ADARB2: variants seen among roughly 807,000 people sequenced by gnomAD.
The protein encoded by ADARB2 is inactive double-stranded RNA-specific editase B2.
In ADARB2, 25 loss-of-function variants were observed where a neutral mutation model predicts 62.2. That is an observed-to-expected ratio of 0.40 (90% CI 0.29 to 0.56). The LOEUF (loss-of-function observed/expected upper bound fraction) is 0.56. Ranked by LOEUF, ADARB2 falls within the 20% of genes least tolerant of loss-of-function variation. The pLI, the probability that ADARB2 is intolerant of heterozygous loss-of-function variation, is 0.43. For synonymous variants in ADARB2, 572 were observed against 500.8 expected, an observed-to-expected ratio of 1.14 and a Z score of -1.90; for missense variants, 1,071 against 1,077.4, an observed-to-expected ratio of 0.99 and a Z score of 0.08.
At chr10:1,375,203 G>A (rs577888349) in intron 2 of ADARB2, among the ~76,000 whole-genome samples, 2 of 152,206 alleles carry the variant, frequency 1.3e-5, no homozygotes, top group Non-Finnish European at 2.9e-5. Context: ...GCTGGTCCTC[G>A]CAGAACTGGG....
Position 1,398,614 on chromosome 10 carries a change from C to T in ADARB2, c.101-19454G>A, listed in dbSNP as rs1349421991. On this transcript the variant is annotated intron_variant, in intron 1 of 9. Transcript: ENST00000381312. This position sits in a 1 kb window ranked among gnomAD's most constrained non-coding sequence, Gnocchi z 4.1. ...AGACAACTCAAAAACGTGTATTTGC[C>T]GTTTCTTTCTTTGAGAAATCTGTAA... Among the ~76,000 whole-genome samples the T allele has an allele frequency of 1.3e-5, 2 of 152,142 alleles. No homozygotes were observed. Among genetic ancestry groups the T allele is most frequent in the African/African-American group, 2.4e-5 (1 of 41,418 alleles).
intron 8 of ADARB2, chr10:1,199,373 C>G (rs566576198): frequency 2.0e-5 from 3 of 152,498 alleles, no homozygotes; most frequent in East Asian, 3.9e-4. Context: ...GCCAGGCAGC[C>G]CGGGCAGGCC....
At chr10:1,660,218 A>G (rs1461254974) in intron 1 of ADARB2, among the ~76,000 whole-genome samples, 1 of 152,256 alleles carries the variant, frequency 6.6e-6, no homozygotes, top group East Asian at 1.9e-4. Context: ...GCCTGTGCTC[A>G]CAAAGCACTG....
intron 6 of ADARB2, among the ~76,000 whole-genome samples, chr10:1,217,876 G>A (rs1390980883): frequency 6.6e-6 from 1 of 152,086 alleles, no homozygotes; most frequent in Admixed American, 6.5e-5. Flanking sequence ...CAGAAGTGAC[G>A]GAGCGTCTGG....
At chr10:1,581,433 G>T (rs1308746065) in intron 1 of ADARB2, among the ~76,000 whole-genome samples, 1 of 152,220 alleles carries the variant, frequency 6.6e-6, no homozygotes, top group Non-Finnish European at 1.5e-5. Flanking sequence ...CACTCCCAGA[G>T]CAGGAGGCGC....
At chr10:1,346,484 T>G (rs1832082244) in intron 3 of ADARB2, among the ~76,000 whole-genome samples, 1 of 152,234 alleles carries the variant, frequency 6.6e-6, no homozygotes, top group African/African-American at 2.4e-5. Flanking sequence ...GACAGGGGCA[T>G]GAACTGGCTT....
At chr10:1,550,880 G>C (rs1483952938) in intron 1 of ADARB2, among the ~76,000 whole-genome samples, 1 of 151,990 alleles carries the variant, frequency 6.6e-6, no homozygotes, top group African/African-American at 2.4e-5. Flanking sequence ...CCCTGTTTGT[G>C]CCGCAACAGG....
chr10:1,373,197 AAC>A (rs1268827071), intron 2 of ADARB2, among the ~76,000 whole-genome samples: 1 of 152,126 alleles, frequency 6.6e-6, no homozygotes, highest in Non-Finnish European at 1.5e-5. Context: ...TGAGAAAAAG[AAC>A]AGAGGAGGAG....
At chr10:1,292,332 A>T (rs894434431) in intron 3 of ADARB2, 1 of 152,324 alleles carries the variant, frequency 6.6e-6, no homozygotes, top group East Asian at 1.9e-4. Flanking sequence ...TTTAGAAAAA[A>T]ATTTAAAAGT....
At chr10:1,382,187 A>G (rs1832489511) in intron 1 of ADARB2, among the ~76,000 whole-genome samples, 1 of 152,240 alleles carries the variant, frequency 6.6e-6, no homozygotes, top group Non-Finnish European at 1.5e-5. Flanking sequence ...AATCAAATGT[A>G]ACTGGGCATC....
intron 3 of ADARB2, among the ~76,000 whole-genome samples, chr10:1,312,237 G>T (rs1335596341): frequency 1.3e-5 from 2 of 152,198 alleles, no homozygotes; most frequent in Non-Finnish European, 2.9e-5. Flanking sequence ...CTGCACCAGA[G>T]ATGCAGTGGG....
intron 6 of ADARB2, among the ~76,000 whole-genome samples, chr10:1,225,672 G>A (rs918266517): frequency 5.4e-5 from 8 of 148,290 alleles, no homozygotes; most frequent in African/African-American, 1.9e-4. Flanking sequence ...CACTTATGAA[G>A]CTTAGTTTGG....
intron 1 of ADARB2, among the ~76,000 whole-genome samples, chr10:1,435,524 G>C (rs994586745): frequency 2.0e-5 from 3 of 152,308 alleles, no homozygotes; most frequent in African/African-American, 4.8e-5. Flanking sequence ...TTCTGTCTGA[G>C]GGCGGAGCCT....
intron 1 of ADARB2, among the ~76,000 whole-genome samples, chr10:1,703,865 T>C (rs1834854506): frequency 6.6e-6 from 1 of 152,192 alleles, no homozygotes; most frequent in South Asian, 2.1e-4. Context: ...GATTCACCTT[T>C]TGTTAAATGC....
At chr10:1,601,712 C>T (rs2132014855) in intron 1 of ADARB2, among the ~76,000 whole-genome samples, 1 of 152,308 alleles carries the variant, frequency 6.6e-6, no homozygotes, top group East Asian at 1.9e-4. Flanking sequence ...ACGACAGCCA[C>T]CTGCTCCCCC....
rs111872880 is a variant in ADARB2, at chr10:1,529,653, T to G, written c.101-150493A>C. On this transcript the variant is annotated intron_variant, in intron 1 of 9. Coordinates refer to ENST00000381312, the MANE Select transcript of ADARB2 (RefSeq NM_018702.4). ...TCCCCCATTTAAAAAATAGCCCTTGTTGGAGCCCCTCTGCCCCTGCAACTC... is the reference window on the plus strand; with the variant it reads ...TCCCCCATTTAAAAAATAGCCCTTGGTGGAGCCCCTCTGCCCCTGCAACTC... Among the ~76,000 whole-genome samples, 1,100 of 152,312 alleles carry G rather than the reference T, an allele frequency of 7.2e-3. 16 individuals are homozygous for G. The highest frequency in any genetic ancestry group is 0.025 in the African/African-American group (1,041 of 41,544).
In ADARB2 at chr10:1,532,741, C is replaced by T. The variant is rs566871520; in HGVS notation, c.101-153581G>A. Among the ~76,000 whole-genome samples, 40 of 152,270 alleles carry T rather than the reference C, an allele frequency of 2.6e-4. No homozygotes were observed. The South Asian group carries it at 6.4e-3, about 25-fold the overall frequency. ...GGGATGTGACCGCTGGCTATGGCGC[C>T]GGGACTCTTCTCCCAGTGGGTCAAT... is the stretch of plus-strand genomic sequence containing the variant. On this transcript the variant is annotated intron_variant, in intron 1 of 9. Transcript: ENST00000381312.
intron 1 of ADARB2, among the ~76,000 whole-genome samples, chr10:1,410,358 T>G (rs34954029): frequency 0.27 from 40,741 of 151,862 alleles, 6,420 homozygotes; most frequent in Non-Finnish European, 0.35. Context: ...GCTGTGGTCA[T>G]GGGGAAGGAT....
chr10:1,577,977 C>G (rs1055836831), intron 1 of ADARB2, among the ~76,000 whole-genome samples: 1 of 152,184 alleles, frequency 6.6e-6, no homozygotes, highest in Non-Finnish European at 1.5e-5. Context: ...TGAAGAGAAG[C>G]CTTAGGCAGA....
Sources: allele counts gnomAD v4.1 joint callset (sites outside exome capture counted in the v4.1 genomes callset), GRCh38; gene constraint gnomAD v4.1.1; non-coding constraint Gnocchi (gnomAD v3.1); transcripts MANE v1.5; gene names NCBI Gene and HGNC (gene_info 2026-07-23, HGNC 2026-07-21).